The following NR5A2 variants were observed in gnomAD, a reference collection of about 807,000 sequenced individuals.
NR5A2 encodes nuclear receptor subfamily 5 group A member 2.
In NR5A2, 26 loss-of-function variants were observed where a neutral mutation model predicts 62.7. The observed-to-expected ratio is 0.41, with a 90% CI of 0.30 to 0.58. The LOEUF (loss-of-function observed/expected upper bound fraction) is 0.58. Among genes scored for constraint, NR5A2 ranks in the 20% least tolerant of loss-of-function variants. The probability of loss-of-function intolerance (pLI) is 0.22; values close to 1 mark genes in which losing one functional copy is unlikely to be tolerated. For missense variants in NR5A2, 541 were observed against 669.1 expected, an observed-to-expected ratio of 0.81 and a Z score of 2.11; for synonymous variants, 246 against 241.7, an observed-to-expected ratio of 1.02 and a Z score of -0.16.
At chr1:200,084,949 T>C (rs1447761300) in intron 5 of NR5A2, among the ~76,000 whole-genome samples, 1 of 152,210 alleles carries the variant, frequency 6.6e-6, no homozygotes, top group Non-Finnish European at 1.5e-5. Flanking sequence ...TAGTGCCGCA[T>C]TGTGAGCCGT....
intron 7 of NR5A2, among the ~76,000 whole-genome samples, chr1:200,171,682 G>A (rs544104057): frequency 6.6e-5 from 10 of 152,286 alleles, no homozygotes; most frequent in African/African-American, 2.4e-4. Context: ...TCAGGAGGTG[G>A]AGGTTGCAGT....
intron 5 of NR5A2, among the ~76,000 whole-genome samples, chr1:200,076,485 C>G (rs1664045481): frequency 6.6e-6 from 1 of 151,126 alleles, no homozygotes; most frequent in Non-Finnish European, 1.5e-5. Flanking sequence ...GCAGGCTAAC[C>G]GTATCTTATT....
At chr1:200,061,086 G>C (rs1250443785) in intron 5 of NR5A2, among the ~76,000 whole-genome samples, 1 of 141,994 alleles carries the variant, frequency 7.0e-6, no homozygotes, top group African/African-American at 2.6e-5. Flanking sequence ...GCGCCACTGT[G>C]CTCTAGCCTG....
intron 1 of NR5A2, among the ~76,000 whole-genome samples, chr1:200,037,403 C>A (rs1661830840): frequency 1.3e-5 from 2 of 152,186 alleles, no homozygotes; most frequent in Non-Finnish European, 2.9e-5. Context: ...TGCATCCTTG[C>A]CATGCTAGGG....
At chr1:200,133,532 CACATATAT>C (rs769612332) in intron 7 of NR5A2, among the ~76,000 whole-genome samples, 238 of 65,824 alleles carry the variant, frequency 3.6e-3, no homozygotes, top group Middle Eastern at 0.031. Context: ...TATATACACA[CACATATAT>C]ATATATACAC....
chr1:200,073,261 T>TA (rs1663828294), intron 5 of NR5A2, among the ~76,000 whole-genome samples: 1 of 95,626 alleles, frequency 1.0e-5, no homozygotes, highest in African/African-American at 4.8e-5. Context: ...TATATATATA[T>TA]TCCCCTTTAT....
At chr1:200,122,516 C>CT (rs1666524602) in intron 7 of NR5A2, among the ~76,000 whole-genome samples, 1 of 152,140 alleles carries the variant, frequency 6.6e-6, no homozygotes, top group South Asian at 2.1e-4. Flanking sequence ...GTTTTCAGCA[C>CT]TTTTAACTTT....
chr1:200,130,311 AG>A (rs1482519970), intron 7 of NR5A2, among the ~76,000 whole-genome samples: 1 of 25,088 alleles, frequency 4.0e-5, no homozygotes, highest in African/African-American at 7.9e-5. Flanking sequence ...AAGAAGAAGA[AG>A]AAGAAGAAGA....
intron 4 of NR5A2, among the ~76,000 whole-genome samples, chr1:200,045,957 T>C (rs908714195): frequency 3.3e-5 from 5 of 152,196 alleles, no homozygotes; most frequent in African/African-American, 1.2e-4. Flanking sequence ...CTTTGAGTTT[T>C]TAAATCAAGA....
At chr1:200,077,596 C>A (rs919329787) in intron 5 of NR5A2, among the ~76,000 whole-genome samples, 2 of 152,142 alleles carry the variant, frequency 1.3e-5, no homozygotes, top group Non-Finnish European at 2.9e-5. Flanking sequence ...TGCCTGTAAT[C>A]CCAGCTACTC....
intron 5 of NR5A2, among the ~76,000 whole-genome samples, chr1:200,085,105 TAGG>T (rs1381718086): frequency 2.1e-4 from 32 of 152,156 alleles, no homozygotes; most frequent in Admixed American, 2.1e-3. Context: ...CTAGTGGAGA[TAGG>T]AGGAGGAGGA....
intron 7 of NR5A2, among the ~76,000 whole-genome samples, chr1:200,133,556 T>C (rs796567723): frequency 4.1e-5 from 2 of 49,200 alleles, no homozygotes; most frequent in South Asian, 6.3e-4. Flanking sequence ...TACACATATA[T>C]ACACACATAT....
chr1:200,127,465 T>A (rs1448759860), intron 7 of NR5A2, among the ~76,000 whole-genome samples: 2 of 151,368 alleles, frequency 1.3e-5, no homozygotes, highest in South Asian at 2.1e-4. Flanking sequence ...TCACCTGAGG[T>A]CAAGAGTTTG....
intron 5 of NR5A2, among the ~76,000 whole-genome samples, chr1:200,089,699 G>C (rs867081026): frequency 6.0e-5 from 9 of 151,212 alleles, no homozygotes; most frequent in African/African-American, 1.5e-4. Context: ...TGAACTCCTG[G>C]GCTCAAGGGA....
chr1:200,085,662 C>CAAAAAAAAAAAAA (rs779455520), intron 5 of NR5A2, among the ~76,000 whole-genome samples: 1 of 91,150 alleles, frequency 1.1e-5, no homozygotes, highest in Non-Finnish European at 2.3e-5. Context: ...AGACCTATCT[C>CAAAAAAAAAAAAA]AAAAAAAAAA....
intron 7 of NR5A2, among the ~76,000 whole-genome samples, chr1:200,172,318 T>C (rs1212438814): frequency 2.0e-5 from 3 of 152,208 alleles, no homozygotes; most frequent in African/African-American, 7.2e-5. Context: ...ATTTTTAAAA[T>C]ATATTAAATA....
intron 5 of NR5A2, among the ~76,000 whole-genome samples, chr1:200,106,894 A>G (rs976678901): frequency 2.6e-5 from 4 of 152,222 alleles, no homozygotes; most frequent in East Asian, 1.9e-4. Context: ...CCAAAGCACC[A>G]TGAAGCTGCA....
chr1:200,050,956 A>T (rs1662601418), intron 5 of NR5A2, among the ~76,000 whole-genome samples: 1 of 152,214 alleles, frequency 6.6e-6, no homozygotes, highest in Admixed American at 6.5e-5. Context: ...TGCAGAATCT[A>T]CATAATTTTT....
chr1:200,090,787 A>G (rs143406829), intron 5 of NR5A2, among the ~76,000 whole-genome samples: 1 of 152,300 alleles, frequency 6.6e-6, no homozygotes, highest in East Asian at 1.9e-4. Context: ...GTTTGAGGAC[A>G]GCACAGATGT....
Sources: gnomAD v4.1 joint callset for allele counts (sites outside exome capture counted in the v4.1 genomes callset) on GRCh38, gnomAD v4.1.1 for gene constraint, MANE v1.5 for transcripts, NCBI Gene and HGNC (gene_info 2026-07-23, HGNC 2026-07-21) for gene names.